The following PAN3 variants were observed in gnomAD, a reference collection of about 807,000 sequenced individuals.
PAN3 encodes PAN2-PAN3 deadenylation complex subunit PAN3.
PAN3 carries 19 observed loss-of-function variants against 96.2 expected under a neutral mutation model. That is an observed-to-expected ratio of 0.20 (90% CI 0.14 to 0.29). The LOEUF (loss-of-function observed/expected upper bound fraction) is 0.29, where lower values mean the gene tolerates loss of function less well. Among genes scored for constraint, PAN3 ranks in the 10% least tolerant of loss-of-function variants. PAN3 has a pLI of 1.00. For synonymous variants in PAN3, 433 were observed against 406.6 expected (o/e 1.06, Z -0.78); for missense variants, 882 against 1,108.1 (o/e 0.80, Z 2.90).
intron 6 of PAN3, among the ~76,000 whole-genome samples, chr13:28,243,349 A>AC (rs561493740): frequency 1.9e-3 from 289 of 152,350 alleles, no homozygotes; most frequent in Middle Eastern, 3.4e-3. Context: ...CTTGACACTA[A>AC]TTCATGAGGC....
intron 6 of PAN3, among the ~76,000 whole-genome samples, chr13:28,240,455 T>G (rs1223836704): frequency 6.6e-6 from 1 of 152,116 alleles, no homozygotes; most frequent in Non-Finnish European, 1.5e-5. Flanking sequence ...ATTAAAAGAT[T>G]ATAAATGTAT....
intron 1 of PAN3, among the ~76,000 whole-genome samples, chr13:28,156,617 T>G (rs1872199951): frequency 1.3e-5 from 2 of 152,036 alleles, no homozygotes; most frequent in East Asian, 3.9e-4. Context: ...AAACGAAAAC[T>G]TCAGGCCAAT....
intron 1 of PAN3, among the ~76,000 whole-genome samples, chr13:28,163,326 T>C (rs903499855): frequency 3.9e-5 from 6 of 152,204 alleles, no homozygotes; most frequent in Non-Finnish European, 8.8e-5. Context: ...AGTTTTTTTT[T>C]CTCAAATGAG....
chr13:28,280,803 C>A (rs192030062), intron 16 of PAN3, among the ~76,000 whole-genome samples: 297 of 152,042 alleles, frequency 2.0e-3, no homozygotes, highest in Admixed American at 3.7e-3. Flanking sequence ...TCAAGTGATC[C>A]GCCCGCCTCA....
Position 28,138,781 on chromosome 13 carries a change from G to A in PAN3, c.124G>A (p.Val42Ile). 7 of 1,384,530 alleles carry A rather than the reference G, an allele frequency of 5.1e-6. No individual in the cohort carries two copies. The highest frequency in any genetic ancestry group is 6.5e-6 in the Non-Finnish European group (7 of 1,073,412). 85.8% of individuals were successfully genotyped at this position (1,384,530 alleles called of 1,614,324 possible). A position where few individuals can be genotyped will look rare whatever the true frequency, so the allele number is the denominator to read the frequency against. Residue 42 changes from valine (V) to isoleucine (I), a missense_variant, in exon 1 of 19, where the codon GTA becomes ATA. Physicochemically the swap from Val to Ile is conservative, Grantham distance 29. Transcript: ENST00000380958. ...CGGGGGTGTCCCCGGCGGGGCGGCG[G>A]TAGGAGTGAAGCTGAAGTACTGCCG... is the stretch of plus-strand genomic sequence containing the variant. ...GVGGVPGGAA[V>I]GVKLKYCRYY...
Position 28,138,606 on chromosome 13 carries a change from T to TGGCGGC in PAN3, c.-45_-40dup. 2.1e-6 allele frequency: 1 copy of TGGCGGC among 471,266 alleles called. No homozygotes were observed. Among genetic ancestry groups the TGGCGGC allele is most frequent in the South Asian group, 4.0e-5 (1 of 25,096 alleles). The allele number at this position is 471,266 out of a possible 1,614,324, so 29.2% of individuals were successfully genotyped here. A position where few individuals can be genotyped will look rare whatever the true frequency, so the allele number is the denominator to read the frequency against. On this transcript the variant is annotated 5_prime_UTR_variant, in exon 1 of 19. Transcript: ENST00000380958. ...TCCTTTCCTCCCCCGTCTATGGTGG[T>TGGCGGC]GGCGGCGGCGGCTCCTCGGGCGGCG...
At chr13:28,142,487 G>A (rs902755474) in intron 1 of PAN3, among the ~76,000 whole-genome samples, 5 of 148,760 alleles carry the variant, frequency 3.4e-5, no homozygotes, top group Admixed American at 3.3e-4. Flanking sequence ...AATTATGTGT[G>A]TGAGGCAGTT....
rs1175285882 is a variant in PAN3 at position 28,271,974 on chromosome 13, C to T, written c.1959-7C>T. On this transcript the variant is annotated splice_region_variant and splice_polypyrimidine_tract_variant and intron_variant, in intron 13 of 18. Coordinates refer to ENST00000380958, the MANE Select transcript of PAN3 (RefSeq NM_175854.8). The stretch of plus-strand genomic sequence containing the variant: ...ATTATTTTCTTTAAATTATCTGGTC[C>T]TTAAAGGTTGCGAGTAAATTGTGTT... 2 of 1,533,122 alleles carry T rather than the reference C, an allele frequency of 1.3e-6. No individual in the cohort carries two copies. Among genetic ancestry groups the T allele is most frequent in the African/African-American group, 1.4e-5 (1 of 71,862 alleles). 95.0% of individuals were successfully genotyped at this position (1,533,122 alleles called of 1,614,324 possible).
intron 9 of PAN3, among the ~76,000 whole-genome samples, chr13:28,263,602 A>T (rs935821341): frequency 1.3e-5 from 2 of 152,240 alleles, no homozygotes; most frequent in African/African-American, 4.8e-5. Flanking sequence ...GAGTGCTGGG[A>T]TTACAGGCAT....
At chr13:28,196,846 C>T (rs890762394) in intron 4 of PAN3, among the ~76,000 whole-genome samples, 1 of 152,052 alleles carries the variant, frequency 6.6e-6, no homozygotes, top group African/African-American at 2.4e-5. Context: ...AGGTAAGTGA[C>T]AGTAGAAAAA....
intron 14 of PAN3, among the ~76,000 whole-genome samples, chr13:28,273,772 T>A (rs1196263535): frequency 6.6e-6 from 1 of 152,216 alleles, no homozygotes; most frequent in Non-Finnish European, 1.5e-5. Context: ...TTTTTGAACA[T>A]TTATTAACTT....
intron 7 of PAN3, among the ~76,000 whole-genome samples, 163 bp downstream of exon 7, chr13:28,256,702 A>G (rs868793784): frequency 6.6e-6 from 1 of 152,194 alleles, no homozygotes; most frequent in Non-Finnish European, 1.5e-5. Flanking sequence ...AACTCTTCAA[A>G]TTAATCTAGT....
chr13:28,195,917 G>A (rs1370864253), intron 4 of PAN3, among the ~76,000 whole-genome samples: 2 of 152,004 alleles, frequency 1.3e-5, no homozygotes, highest in Admixed American at 1.3e-4. Context: ...AATTTACATA[G>A]GCATTATTTG....
upstream of PAN3, chr13:28,138,452 C>A (rs191977107): frequency 1.1e-5 from 3 of 276,756 alleles, no homozygotes; most frequent in Non-Finnish European, 2.0e-5. Context: ...TCCCAACTCT[C>A]CCCCTACCCT....
rs140664163 is a variant in PAN3, at chr13:28,279,409, A to G, written c.2190-1003A>G. On this transcript the variant is annotated intron_variant, in intron 15 of 18. Transcript: ENST00000380958. ...ATTAATCTTTGCAAAACAACAGGAA[A>G]AGCTCCCCACCCCACACCTACCCCC... Among the ~76,000 whole-genome samples, 669 of 152,276 alleles carry G rather than the reference A, an allele frequency of 4.4e-3. 2 individuals carry two copies. Among genetic ancestry groups the G allele is most frequent in the Non-Finnish European group, 5.5e-3 (374 of 68,016 alleles).
intron 13 of PAN3, among the ~76,000 whole-genome samples, chr13:28,271,408 A>G (rs1886612024): frequency 6.6e-6 from 1 of 152,220 alleles, no homozygotes; most frequent in Admixed American, 6.5e-5. Flanking sequence ...GCTGCATAAC[A>G]TAAAGAGCTG....
chr13:28,171,034 G>T (rs1441191815), intron 1 of PAN3, among the ~76,000 whole-genome samples: 1 of 152,122 alleles, frequency 6.6e-6, no homozygotes. Context: ...TACCTCAGGC[G>T]ATCCGCCCGC....
At chr13:28,239,474 A>G in intron 6 of PAN3, 1 of 476,690 alleles carries the variant, frequency 2.1e-6, no homozygotes, top group Non-Finnish European at 3.5e-6. Flanking sequence ...GTTGAAAGGA[A>G]GTTGAACTAT....
chr13:28,240,013 C>CA (rs1470904608), intron 6 of PAN3: 1 of 155,258 alleles, frequency 6.4e-6, no homozygotes, highest in Non-Finnish European at 1.4e-5. Flanking sequence ...CTTTTTGACA[C>CA]TTGGATTATT....
Sources: gnomAD v4.1 joint callset for allele counts (sites outside exome capture counted in the v4.1 genomes callset) on GRCh38, gnomAD v4.1.1 for gene constraint, MANE v1.5 for transcripts, NCBI Gene and HGNC (gene_info 2026-07-23, HGNC 2026-07-21) for gene names.